Variants in PCCA observed in about 807,000 individuals in gnomAD.
PCCA encodes propionyl-CoA carboxylase subunit alpha, also known as propionyl-CoA carboxylase alpha chain, mitochondrial.
PCCA carries 74 observed loss-of-function variants against 101.3 expected under a neutral mutation model. The observed-to-expected ratio is 0.73, with a 90% CI of 0.61 to 0.89. The LOEUF (loss-of-function observed/expected upper bound fraction) is 0.89. PCCA is among the 40% of genes least tolerant of loss of function. PCCA has a pLI of 0.00. For synonymous variants in PCCA, 294 were observed against 313.6 expected, an observed-to-expected ratio of 0.94 and a Z score of 0.66; for missense variants, 891 against 907.0, an observed-to-expected ratio of 0.98 and a Z score of 0.23.
chr13:100,333,995 G>C (rs907551243), intron 17 of PCCA, among the ~76,000 whole-genome samples: 18 of 152,132 alleles, frequency 1.2e-4, no homozygotes, highest in Non-Finnish European at 4.4e-5. Context: ...GACATCATGA[G>C]AGAAATAATA....
chr13:100,331,447 C>A (rs908880726), intron 17 of PCCA, among the ~76,000 whole-genome samples: 1 of 152,090 alleles, frequency 6.6e-6, no homozygotes, highest in African/African-American at 2.4e-5. Flanking sequence ...TGTAAAATGA[C>A]TCACATTCAT....
intron 20 of PCCA, among the ~76,000 whole-genome samples, chr13:100,443,970 T>C (rs1192624017): frequency 1.3e-5 from 2 of 152,138 alleles, no homozygotes; most frequent in East Asian, 1.9e-4. Context: ...TTCTAAAACA[T>C]GAGCATGTCA....
At chr13:100,158,746 G>T (rs2054130005) in intron 6 of PCCA, among the ~76,000 whole-genome samples, 1 of 152,106 alleles carries the variant, frequency 6.6e-6, no homozygotes, top group Non-Finnish European at 1.5e-5. Flanking sequence ...CCTGCTGCCT[G>T]TTTTTGTCAA....
chr13:100,285,230 C>T (rs776775958), intron 12 of PCCA, among the ~76,000 whole-genome samples: 9 of 152,160 alleles, frequency 5.9e-5, no homozygotes, highest in Admixed American at 1.3e-4. Flanking sequence ...CCACTCTGTA[C>T]GCTAATCAAG....
At chr13:100,529,859 G>T (rs1000826069) in intron 23 of PCCA, among the ~76,000 whole-genome samples, 2 of 152,194 alleles carry the variant, frequency 1.3e-5, no homozygotes, top group African/African-American at 4.8e-5. Context: ...GCCACTGTGA[G>T]GGTGCCGAGG....
At chr13:100,142,894 T>G (rs1427215655) in intron 4 of PCCA, among the ~76,000 whole-genome samples, 1 of 152,220 alleles carries the variant, frequency 6.6e-6, no homozygotes. Context: ...CAGCATAGCG[T>G]ATCAGGCTCC....
At chr13:100,142,499 G>A (rs1396306244) in intron 4 of PCCA, among the ~76,000 whole-genome samples, 3 of 148,148 alleles carry the variant, frequency 2.0e-5, no homozygotes, top group African/African-American at 7.5e-5. Flanking sequence ...TTTTGAGATG[G>A]AGTCTTGCTC....
chr13:100,211,743 A>G (rs1006776511), intron 7 of PCCA, among the ~76,000 whole-genome samples: 1 of 150,578 alleles, frequency 6.6e-6, no homozygotes, highest in African/African-American at 2.5e-5. Flanking sequence ...TTCTTTTACT[A>G]TTATTATTAT....
intron 19 of PCCA, among the ~76,000 whole-genome samples, chr13:100,376,230 C>T (rs1039106905): frequency 6.6e-6 from 1 of 152,212 alleles, no homozygotes; most frequent in African/African-American, 2.4e-5. Context: ...AGCTTCGTCC[C>T]AGAGGGGCAC....
Position 100,214,415 on chromosome 13 carries a change from T to TTG in PCCA, c.600+4970_600+4971dup, listed in dbSNP as rs530930081. Among the ~76,000 whole-genome samples the TTG allele has an allele frequency of 5.5e-3, 829 of 151,088 alleles. 7 individuals are homozygous for TTG. Among genetic ancestry groups the TTG allele is most frequent in the African/African-American group, 0.015 (615 of 41,180 alleles). ...GCATCAACGTTTTATAGTTGTTTTT[T>TTG]TGTGTGTGTGTGTGTGTGTTTTTTT... is the stretch of plus-strand genomic sequence containing the variant. On this transcript the variant is annotated intron_variant, in intron 7 of 23. Transcript: ENST00000376285.
chr13:100,489,943 G>T (rs561806325), intron 21 of PCCA: 1 of 152,192 alleles, frequency 6.6e-6, no homozygotes, highest in African/African-American at 2.4e-5. Context: ...CTAGGAGCAC[G>T]GGGCTCAGGG....
At chr13:100,243,805 G>A (rs565344979) in intron 8 of PCCA, among the ~76,000 whole-genome samples, 13 of 152,266 alleles carry the variant, frequency 8.5e-5, no homozygotes, top group Admixed American at 4.6e-4. Context: ...GGGCTATATG[G>A]TAGTCCTTTC....
At chr13:100,355,196 G>A (rs1332924253) in intron 18 of PCCA, among the ~76,000 whole-genome samples, 1 of 151,522 alleles carries the variant, frequency 6.6e-6, no homozygotes, top group African/African-American at 2.4e-5. Context: ...AATAGAATAA[G>A]AGAAAAAAAC....
chr13:100,467,612 C>A (rs1290850595), intron 21 of PCCA, among the ~76,000 whole-genome samples: 1 of 152,212 alleles, frequency 6.6e-6, no homozygotes, highest in African/African-American at 2.4e-5. Context: ...CCTCATGATC[C>A]ACCCGCCTTG....
intron 22 of PCCA, 186 bp from the exon 23 acceptor site, chr13:100,527,489 G>C (rs2087942521): frequency 1.6e-6 from 1 of 639,948 alleles, no homozygotes; most frequent in Non-Finnish European, 2.8e-6. Context: ...CTTTATGAGA[G>C]AGAGAATGGC....
chr13:100,092,777 G>A (rs2046399312), intron 1 of PCCA, among the ~76,000 whole-genome samples: 1 of 152,134 alleles, frequency 6.6e-6, no homozygotes, highest in South Asian at 2.1e-4. Context: ...AGTAAATATG[G>A]AAAAGAATGT....
chr13:100,411,808 C>G (rs2078067806), intron 19 of PCCA, among the ~76,000 whole-genome samples: 1 of 152,160 alleles, frequency 6.6e-6, no homozygotes, highest in African/African-American at 2.4e-5. Context: ...CTGATGCCAT[C>G]AGGAGGGCTC....
At chr13:100,198,964 A>T (rs1031310621) in intron 6 of PCCA, among the ~76,000 whole-genome samples, 7 of 151,052 alleles carry the variant, frequency 4.6e-5, no homozygotes, top group African/African-American at 1.5e-4. Flanking sequence ...GAGGCTGGCA[A>T]ACTGGCTTGA....
Position 100,231,706 on chromosome 13 carries a change from C to T in PCCA, c.601-4136C>T, listed in dbSNP as rs1257451002. On this transcript the variant is annotated intron_variant, in intron 7 of 23. Coordinates refer to ENST00000376285, the MANE Select transcript of PCCA (RefSeq NM_000282.4). ...TACAATTTTAATTTCCCTTTTCCTACAACTTTTAATCCTACCTTTTACATT... is the reference window on the plus strand; with the variant it reads ...TACAATTTTAATTTCCCTTTTCCTATAACTTTTAATCCTACCTTTTACATT... Among the ~76,000 whole-genome samples, 2 of 152,136 alleles carry T rather than the reference C, an allele frequency of 1.3e-5. 1 individual carries two copies. The highest frequency in any genetic ancestry group is 4.1e-4 in the South Asian group (2 of 4,832).
Sources: allele counts gnomAD v4.1 joint callset (sites outside exome capture counted in the v4.1 genomes callset), GRCh38; gene constraint gnomAD v4.1.1; transcripts MANE v1.5; gene names NCBI Gene and HGNC (gene_info 2026-07-23, HGNC 2026-07-21).